CCNB1IP1: variants seen among roughly 807,000 people sequenced by gnomAD.
The protein encoded by CCNB1IP1 is cyclin B1 interacting protein 1, also known as E3 ubiquitin-protein ligase CCNB1IP1.
In CCNB1IP1, 14 loss-of-function variants were observed where a neutral mutation model predicts 25.6. The ratio of observed to expected loss-of-function variants is 0.55; its 90% CI spans 0.36 to 0.85. CCNB1IP1 has a LOEUF of 0.85. CCNB1IP1 is among the 40% of genes least tolerant of loss of function. The pLI is 0.01. For synonymous variants in CCNB1IP1, 119 were observed against 116.1 expected (o/e 1.02, Z -0.16); for missense variants, 278 against 342.4 (o/e 0.81, Z 1.48).
intron 4 of CCNB1IP1, among the ~76,000 whole-genome samples, chr14:20,321,827 C>A (rs765122002): frequency 1.1e-4 from 16 of 152,128 alleles, no homozygotes; most frequent in Non-Finnish European, 2.1e-4. Flanking sequence ...GGTATAAGCA[C>A]GAGTATTAAA....
chr14:20,332,608 C>T (rs1025142869), intron 1 of CCNB1IP1, among the ~76,000 whole-genome samples: 4 of 152,172 alleles, frequency 2.6e-5, no homozygotes, highest in African/African-American at 9.7e-5. Flanking sequence ...GAATTTAAAT[C>T]TAGAGGCTTG....
chr14:20,314,570 A>C (rs1033834778), intron 5 of CCNB1IP1: 1 of 152,228 alleles, frequency 6.6e-6, no homozygotes, highest in Non-Finnish European at 1.5e-5. Flanking sequence ...TTTAAAATAC[A>C]CCAAAGGTAT....
intron 4 of CCNB1IP1, among the ~76,000 whole-genome samples, chr14:20,317,134 C>T (rs374030679): frequency 2.2e-4 from 33 of 151,878 alleles, no homozygotes; most frequent in Non-Finnish European, 3.8e-4. Context: ...ATAGGCTGGG[C>T]GCGGTGGCTC....
At chr14:20,311,873 A>G in intron 6 of CCNB1IP1, 121 bp from the exon 7 acceptor site, 1 of 555,670 alleles carries the variant, frequency 1.8e-6, no homozygotes, top group Non-Finnish European at 2.9e-6. Context: ...TTTGTCTTAG[A>G]AAAAAACAGA....
chr14:20,312,238 AAAAT>A (rs1348009144), intron 6 of CCNB1IP1, among the ~76,000 whole-genome samples: 1 of 152,364 alleles, frequency 6.6e-6, no homozygotes, highest in Non-Finnish European at 1.5e-5. Flanking sequence ...CAGTGACAAA[AAAAT>A]AAGTATATCT....
At chr14:20,321,703 C>T (rs965315219) in intron 4 of CCNB1IP1, among the ~76,000 whole-genome samples, 3 of 152,082 alleles carry the variant, frequency 2.0e-5, no homozygotes, top group Admixed American at 6.6e-5. Context: ...CTACCCTGCT[C>T]GGCCTTCTGA....
At chr14:20,318,144 G>C (rs1435399670) in intron 4 of CCNB1IP1, 2 of 152,220 alleles carry the variant, frequency 1.3e-5, no homozygotes, top group African/African-American at 4.8e-5. Flanking sequence ...TTTTCCTTGA[G>C]TCTGCATTAC....
At chr14:20,321,285 A>G (rs1196328042) in intron 4 of CCNB1IP1, among the ~76,000 whole-genome samples, 2 of 152,190 alleles carry the variant, frequency 1.3e-5, no homozygotes. Flanking sequence ...TTATTTTGAT[A>G]CCTTGTTTTT....
intron 5 of CCNB1IP1, chr14:20,315,507 T>C: frequency 8.7e-7 from 1 of 1,144,504 alleles, no homozygotes. Context: ...AATAAAAAGT[T>C]ACTTGACAGA....
At chr14:20,314,756 A>G (rs1882620384) in intron 5 of CCNB1IP1, 1 of 152,158 alleles carries the variant, frequency 6.6e-6, no homozygotes, top group Non-Finnish European at 1.5e-5. Flanking sequence ...AAGGATAAAA[A>G]GAACACTTAA....
At chr14:20,324,094 A>G (rs1882988037) in intron 4 of CCNB1IP1, among the ~76,000 whole-genome samples, 1 of 152,186 alleles carries the variant, frequency 6.6e-6, no homozygotes, top group African/African-American at 2.4e-5. Flanking sequence ...GCCTATGACT[A>G]ATTCTAGAAC....
intron 6 of CCNB1IP1, among the ~76,000 whole-genome samples, chr14:20,313,128 T>G (rs1594273412): frequency 6.6e-6 from 1 of 152,192 alleles, no homozygotes; most frequent in East Asian, 1.9e-4. Flanking sequence ...TTATATGAAT[T>G]TATATAAAAC....
In CCNB1IP1 at chr14:20,311,486, G is replaced by T; in HGVS notation, c.*64C>A. On this transcript the variant is annotated 3_prime_UTR_variant, in exon 7 of 7. Coordinates refer to ENST00000358932, the MANE Select transcript of CCNB1IP1 (RefSeq NM_021178.5). ...TAAAGCCTCAGACTCCTGGGCTCAA[G>T]TGATCCTCCCAGCCTCAACCTCCTA... The T allele has an allele frequency of 7.0e-7, 1 of 1,423,556 alleles. No homozygotes were observed. The highest frequency in any genetic ancestry group is 9.9e-7 in the Non-Finnish European group (1 of 1,010,276). 88.2% of individuals were successfully genotyped at this position (1,423,556 alleles called of 1,614,324 possible).
rs1566397172 is a variant in CCNB1IP1, at chr14:20,311,573, C to CA, written c.810_811insT (p.Ala271CysfsTer12). The CA allele has an allele frequency of 6.2e-7, 1 of 1,613,482 alleles. No homozygotes were observed. The highest frequency in any genetic ancestry group is 2.2e-5 in the East Asian group (1 of 44,874). On this transcript the variant is annotated frameshift_variant, in exon 7 of 7. Coordinates refer to ENST00000358932, the MANE Select transcript of CCNB1IP1 (RefSeq NM_021178.5). LOFTEE classifies it high-confidence loss of function. ...GCTCAAATTCTTTTTACTTTGAAGGCCCTGCTAGAAACTTGCTGCTGCTCT... is the reference window on the plus strand; with the variant it reads ...GCTCAAATTCTTTTTACTTTGAAGGCACCTGCTAGAAACTTGCTGCTGCTCT...
chr14:20,313,143 C>T (rs933658364), intron 6 of CCNB1IP1, among the ~76,000 whole-genome samples: 4 of 152,232 alleles, frequency 2.6e-5, no homozygotes, highest in South Asian at 4.1e-4. Flanking sequence ...TAAAACACAA[C>T]AGTGCCTAGC....
rs930878241 is a variant in CCNB1IP1, at chr14:20,315,745, T to C, written c.297+482A>G. 12 of 1,224,160 alleles carry C rather than the reference T, an allele frequency of 9.8e-6. No homozygotes were observed. The East Asian group carries it at 6.9e-4, about 70-fold the overall frequency. 75.8% of individuals were successfully genotyped at this position (1,224,160 alleles called of 1,614,324 possible). On this transcript the variant is annotated intron_variant, in intron 5 of 6. Transcript: ENST00000358932. The stretch of plus-strand genomic sequence containing the variant: ...TAACCATTAAAATATGATTATAGAA[T>C]AGTTAACTAAAAAATATTTAACAAG...
At chr14:20,320,239 A>G (rs1454114539) in intron 4 of CCNB1IP1, 1 of 447,134 alleles carries the variant, frequency 2.2e-6, no homozygotes, top group South Asian at 1.6e-5. Flanking sequence ...CTTTTCATAT[A>G]TACAACTTTA....
chr14:20,315,216 G>T (rs1047922120), intron 5 of CCNB1IP1, among the ~76,000 whole-genome samples: 1 of 138,770 alleles, frequency 7.2e-6, no homozygotes, highest in Non-Finnish European at 1.5e-5. Context: ...TCAGAGACAT[G>T]CAAATTAAAA....
chr14:20,320,463 A>G (rs947376899), intron 4 of CCNB1IP1: 1 of 351,070 alleles, frequency 2.8e-6, no homozygotes, highest in African/African-American at 2.2e-5. Context: ...ATTTGCTTTT[A>G]GAATGATATT....
Sources: allele counts gnomAD v4.1 joint callset (sites outside exome capture counted in the v4.1 genomes callset), GRCh38; gene constraint gnomAD v4.1.1; transcripts MANE v1.5; gene names NCBI Gene and HGNC (gene_info 2026-07-23, HGNC 2026-07-21).